MTMR10: variants seen among roughly 807,000 people sequenced by gnomAD.
MTMR10 encodes myotubularin-related protein 10.
MTMR10 carries 56 observed loss-of-function variants against 88.1 expected under a neutral mutation model. The ratio of observed to expected loss-of-function variants is 0.64; its 90% CI spans 0.51 to 0.79. The LOEUF (loss-of-function observed/expected upper bound fraction) is 0.79, where lower values mean the gene tolerates loss of function less well. Ranked by LOEUF, MTMR10 falls within the 30% of genes least tolerant of loss-of-function variation. The probability of loss-of-function intolerance (pLI) is 0.00; values close to 1 mark genes in which losing one functional copy is unlikely to be tolerated. For synonymous variants in MTMR10, 380 were observed against 340.9 expected (o/e 1.11, Z -1.26); for missense variants, 883 against 924.7 (o/e 0.95, Z 0.58).
downstream of MTMR10, among the ~76,000 whole-genome samples, chr15:30,934,149 C>A (rs1046632515): frequency 6.6e-6 from 1 of 152,178 alleles, no homozygotes; most frequent in Non-Finnish European, 1.5e-5. Flanking sequence ...CATGAGTCTA[C>A]CCTTTTATCA....
intron 13 of MTMR10, among the ~76,000 whole-genome samples, chr15:30,947,756 T>G (rs2063191656): frequency 6.6e-6 from 1 of 152,212 alleles, no homozygotes; most frequent in Non-Finnish European, 1.5e-5. Context: ...TGTCCCCAAG[T>G]GCAGTAGCGG....
chr15:30,988,245 G>T (rs2031080292), intron 2 of MTMR10, among the ~76,000 whole-genome samples: 1 of 152,140 alleles, frequency 6.6e-6, no homozygotes. Context: ...GTGCAGGAAG[G>T]CCAGAATGAG....
At chr15:30,953,019 A>C (rs1204300879) in intron 11 of MTMR10, among the ~76,000 whole-genome samples, 1 of 151,988 alleles carries the variant, frequency 6.6e-6, no homozygotes, top group Non-Finnish European at 1.5e-5. Context: ...TGAACTCCTG[A>C]CCTCAGGTGA....
downstream of MTMR10, chr15:30,937,110 C>A (rs1390433987): frequency 2.5e-6 from 4 of 1,604,514 alleles, no homozygotes; most frequent in South Asian, 3.4e-5. Flanking sequence ...TTAAAAATTT[C>A]TTTTCCAGCT....
At chr15:30,959,483 A>C (rs779622308) in intron 7 of MTMR10, among the ~76,000 whole-genome samples, 10 of 152,150 alleles carry the variant, frequency 6.6e-5, no homozygotes, top group Admixed American at 1.3e-4. Context: ...AACCCCACAA[A>C]TCTACCAGGA....
intron 1 of MTMR10, 70 bp from the exon 2 acceptor site, chr15:30,990,907 T>A: frequency 2.2e-6 from 3 of 1,354,210 alleles, no homozygotes; most frequent in Non-Finnish European, 2.0e-6. Context: ...ACAGCAAATG[T>A]TGTTTTCTAA....
chr15:30,966,095 A>G, intron 6 of MTMR10: 2 of 452,276 alleles, frequency 4.4e-6, no homozygotes, highest in South Asian at 1.6e-5. Flanking sequence ...AATCTTAACA[A>G]AACTATGGCC....
At chr15:30,928,626 G>C in the MTMR10 span, 1 of 1,613,484 alleles carries the variant, frequency 6.2e-7, no homozygotes, top group Non-Finnish European at 8.5e-7. Context: ...TCATGGATGG[G>C]ATTCCGGATG....
intron 6 of MTMR10, among the ~76,000 whole-genome samples, chr15:30,962,587 C>G (rs994529336): frequency 6.6e-6 from 1 of 151,706 alleles, no homozygotes; most frequent in African/African-American, 2.4e-5. Context: ...TCCTCTGCAG[C>G]CATGCACTAC....
intron 14 of MTMR10, 60 bp from the exon 15 acceptor site, chr15:30,943,132 T>C (rs1455720638): frequency 1.3e-6 from 2 of 1,501,060 alleles, no homozygotes; most frequent in Non-Finnish European, 8.9e-7. Context: ...ATGCCTTTTT[T>C]CAGATGAGCC....
At chr15:30,937,397 A>C, downstream of MTMR10, 1 of 778,720 alleles carries the variant, frequency 1.3e-6, no homozygotes, top group East Asian at 2.7e-5. Flanking sequence ...CATATCACAA[A>C]ACAGTGTTTG....
At chr15:30,926,658 A>C in the MTMR10 span, 2 of 985,412 alleles carry the variant, frequency 2.0e-6, no homozygotes, top group Non-Finnish European at 2.4e-6. Flanking sequence ...GAAGACAGAG[A>C]GATACAGTAG....
At chr15:30,985,835 T>C (rs965525313) in intron 2 of MTMR10, among the ~76,000 whole-genome samples, 2 of 152,128 alleles carry the variant, frequency 1.3e-5, no homozygotes, top group Non-Finnish European at 2.9e-5. Flanking sequence ...CTGTGGCCAC[T>C]TGCAGCATTA....
At chr15:30,937,387 C>A, downstream of MTMR10, 1 of 819,974 alleles carries the variant, frequency 1.2e-6, no homozygotes, top group Non-Finnish European at 1.9e-6. Context: ...ACAGTGTCTG[C>A]ATATCACAAA....
At chr15:30,937,326 TTTAA>T (rs1292442271), downstream of MTMR10, 2 of 1,462,994 alleles carry the variant, frequency 1.4e-6, no homozygotes, top group African/African-American at 1.4e-5. Flanking sequence ...ACATGTTTTA[TTTAA>T]TTTTGTTATC....
the MTMR10 span, chr15:30,926,840 A>C: frequency 2.0e-6 from 2 of 985,196 alleles, no homozygotes; most frequent in Non-Finnish European, 2.4e-6. Context: ...AGTAGAAACT[A>C]TTTTTCCCTG....
Position 30,991,491 on chromosome 15 carries a change from G to A in MTMR10, c.16C>T (p.Pro6Ser), listed in dbSNP as rs781760611. 6.6e-7 allele frequency: 1 copy of A among 1,524,060 alleles called. No individual in the cohort carries two copies. The allele number at this position is 1,524,060 out of a possible 1,614,324, so 94.4% of individuals were successfully genotyped here. A position where few individuals can be genotyped will look rare whatever the true frequency, so the allele number is the denominator to read the frequency against. ...TAGGACCTGAAGGTGGGTTTGGGCG[G>A]CTTGAGGGAGAACATGGTGCCGCCG... MFSLKPPKPTFRSYLL... is the reference protein window; with the variant it reads MFSLKSPKPTFRSYLL... Residue 6 changes from proline to serine, a missense_variant, in exon 1 of 16, where the codon CCG becomes TCG. Transcript: ENST00000435680.
At chr15:30,963,678 T>TAGACAGAC (rs147897131) in intron 6 of MTMR10, among the ~76,000 whole-genome samples, 39,575 of 146,132 alleles carry the variant, frequency 0.27, 5,747 homozygotes, top group Non-Finnish European at 0.33. Context: ...GACAGATAGA[T>TAGACAGAC]AGATAGATAG....
intron 3 of MTMR10, among the ~76,000 whole-genome samples, chr15:30,975,765 A>G (rs1450630453): frequency 6.6e-6 from 1 of 152,228 alleles, no homozygotes. Context: ...TGACTACATG[A>G]AATATACTTA....
Sources: allele counts gnomAD v4.1 joint callset (sites outside exome capture counted in the v4.1 genomes callset), GRCh38; gene constraint gnomAD v4.1.1; transcripts MANE v1.5; gene names NCBI Gene and HGNC (gene_info 2026-07-23, HGNC 2026-07-21).